CYP19A1: variants seen among roughly 807,000 people sequenced by gnomAD.
CYP19A1 encodes cytochrome P450 family 19 subfamily A member 1.
A neutral mutation model predicts 44.4 loss-of-function variants in CYP19A1; 32 were observed. That is an observed-to-expected ratio of 0.72 (90% CI 0.54 to 0.97). The LOEUF is 0.97. Among genes scored for constraint, CYP19A1 ranks in the 50% least tolerant of loss-of-function variants. CYP19A1 has a pLI of 0.00. For missense variants in CYP19A1, 598 were observed against 637.8 expected (o/e 0.94, Z 0.67); for synonymous variants, 212 against 215.6 (o/e 0.98, Z 0.14).
chr15:51,306,657 A>C (rs2036221865), intron 1 of CYP19A1, among the ~76,000 whole-genome samples: 1 of 152,270 alleles, frequency 6.6e-6, no homozygotes, highest in Non-Finnish European at 1.5e-5. Flanking sequence ...AAATAATAGA[A>C]TATTAAGTAC....
At chr15:51,315,081 G>A (rs545635794) in intron 1 of CYP19A1, among the ~76,000 whole-genome samples, 1 of 152,122 alleles carries the variant, frequency 6.6e-6, no homozygotes, top group African/African-American at 2.4e-5. Flanking sequence ...CAAATCTGCT[G>A]CTTCAAGCCC....
chr15:51,327,657 C>G (rs981619096), intron 1 of CYP19A1, among the ~76,000 whole-genome samples: 1 of 152,136 alleles, frequency 6.6e-6, no homozygotes. Context: ...GCCCAACAGA[C>G]AGATGCGTGT....
chr15:51,257,492 G>T (rs1294228154), intron 1 of CYP19A1, among the ~76,000 whole-genome samples: 1 of 152,154 alleles, frequency 6.6e-6, no homozygotes, highest in African/African-American at 2.4e-5. Flanking sequence ...CCACAACCTC[G>T]AGGGCCCAGA....
At position 51,229,803 on chromosome 15, in the gene CYP19A1, G is replaced by A. The variant is rs115014175; in HGVS notation, c.297-1870C>T. On this transcript the variant is annotated intron_variant, in intron 3 of 9. Coordinates refer to ENST00000396402, the MANE Select transcript of CYP19A1 (RefSeq NM_000103.4). The stretch of plus-strand genomic sequence containing the variant: ...ACAAACTAATATTTAAAAATTTTAA[G>A]CACTTAAAGGACAAACACTATTTTT... 5.8e-3 allele frequency among the ~76,000 whole-genome samples: 877 copies of A among 152,240 alleles called. 12 individuals are homozygous for A. Among genetic ancestry groups the A allele is most frequent in the African/African-American group, 0.02 (844 of 41,512 alleles).
chr15:51,302,379 G>A (rs1005816166), intron 1 of CYP19A1, among the ~76,000 whole-genome samples: 14 of 152,208 alleles, frequency 9.2e-5, no homozygotes, highest in African/African-American at 3.1e-4. Flanking sequence ...CTCCACCTGC[G>A]AATCACAGAC....
intron 1 of CYP19A1, among the ~76,000 whole-genome samples, chr15:51,250,472 T>C (rs1413629610): frequency 6.6e-6 from 1 of 152,256 alleles, no homozygotes; most frequent in African/African-American, 2.4e-5. Context: ...CCTATTTGCC[T>C]GTCTGATGGT....
chr15:51,220,530 A>T (rs1007503847), intron 5 of CYP19A1, among the ~76,000 whole-genome samples: 1 of 152,250 alleles, frequency 6.6e-6, no homozygotes, highest in African/African-American at 2.4e-5. Context: ...AAGTTAATTC[A>T]GGAAAAGTCA....
chr15:51,210,070 A>C lies in CYP19A1; in HGVS notation c.*738T>G. ...TAATACTTAACCCAGGCTATTACTA[A>C]ATTAGTTTGTATTACTTGATGATTA... On this transcript the variant is annotated 3_prime_UTR_variant, in exon 10 of 10. Transcript: ENST00000396402. 4.3e-6 allele frequency: 1 copy of C among 234,288 alleles called. No homozygotes were observed. The highest frequency in any genetic ancestry group is 8.5e-6 in the Non-Finnish European group (1 of 117,632). The allele number at this position is 234,288 out of a possible 1,614,324, so 14.5% of individuals were successfully genotyped here. A position where few individuals can be genotyped will look rare whatever the true frequency, so the allele number is the denominator to read the frequency against.
intron 1 of CYP19A1, among the ~76,000 whole-genome samples, chr15:51,270,360 G>A (rs780103893): frequency 5.3e-5 from 8 of 152,062 alleles, no homozygotes; most frequent in Non-Finnish European, 1.0e-4. Context: ...CTCCCCTACC[G>A]CCTTAAGCAA....
intron 1 of CYP19A1, among the ~76,000 whole-genome samples, chr15:51,299,951 A>T (rs2036078480): frequency 6.6e-6 from 1 of 152,242 alleles, no homozygotes; most frequent in Non-Finnish European, 1.5e-5. Flanking sequence ...TTCACTGGGC[A>T]GAAATGGGGA....
At chr15:51,238,126 T>G (rs956282242) in intron 2 of CYP19A1, among the ~76,000 whole-genome samples, 3 of 152,240 alleles carry the variant, frequency 2.0e-5, no homozygotes, top group Non-Finnish European at 2.9e-5. Flanking sequence ...TGAGCAAGAC[T>G]GTCAGCTCTT....
At chr15:51,216,629 T>C (rs1250366524) in intron 6 of CYP19A1, among the ~76,000 whole-genome samples, 4 of 152,218 alleles carry the variant, frequency 2.6e-5, no homozygotes, top group African/African-American at 7.2e-5. Flanking sequence ...TAAACTCCAG[T>C]GACTAGGTAT....
At chr15:51,307,008 C>G (rs17523922) in intron 1 of CYP19A1, among the ~76,000 whole-genome samples, 9,959 of 152,208 alleles carry the variant, frequency 0.065, 446 homozygotes, top group Middle Eastern at 0.13. Flanking sequence ...AATAAGTAAA[C>G]CAGGTGGTAT....
intron 1 of CYP19A1, chr15:51,321,545 G>C (rs572368100): frequency 6.6e-6 from 1 of 152,358 alleles, no homozygotes; most frequent in South Asian, 2.1e-4. Context: ...TCTAGGGGTA[G>C]ATTATCTCTG....
At chr15:51,272,381 C>T (rs892555493) in intron 1 of CYP19A1, among the ~76,000 whole-genome samples, 7 of 152,154 alleles carry the variant, frequency 4.6e-5, no homozygotes, top group African/African-American at 1.7e-4. Context: ...CTTTATAGCA[C>T]CAGCATCTAG....
chr15:51,239,796 T>C (rs1595708209), intron 2 of CYP19A1, among the ~76,000 whole-genome samples: 2 of 152,328 alleles, frequency 1.3e-5, no homozygotes, highest in East Asian at 1.9e-4. Context: ...GTCACCGCAC[T>C]GTCCAGTTTT....
chr15:51,216,480 T>C (rs2031588950), intron 6 of CYP19A1, among the ~76,000 whole-genome samples: 1 of 152,202 alleles, frequency 6.6e-6, no homozygotes, highest in African/African-American at 2.4e-5. Flanking sequence ...CTCAAACTCC[T>C]GACCTCAGGT....
At chr15:51,228,074 A>C (rs891273529) in intron 3 of CYP19A1, 141 bp from the exon 4 acceptor site, 8 of 711,700 alleles carry the variant, frequency 1.1e-5, no homozygotes, top group African/African-American at 1.7e-5. Context: ...TTCGGGTTGA[A>C]TAAGCACTTC....
At chr15:51,251,508 G>T (rs1020847866) in intron 1 of CYP19A1, among the ~76,000 whole-genome samples, 2 of 152,168 alleles carry the variant, frequency 1.3e-5, no homozygotes, top group African/African-American at 4.8e-5. Context: ...CTCACACCTC[G>T]CTTTTCTATC....
Sources: gnomAD v4.1 joint callset for allele counts (sites outside exome capture counted in the v4.1 genomes callset) on GRCh38, gnomAD v4.1.1 for gene constraint, MANE v1.5 for transcripts, NCBI Gene and HGNC (gene_info 2026-07-23, HGNC 2026-07-21) for gene names.